ZMYM5: variants seen among roughly 807,000 people sequenced by gnomAD.
ZMYM5 encodes zinc finger MYM-type containing 5, also known as zinc finger MYM-type protein 5.
A neutral mutation model predicts 61.8 loss-of-function variants in ZMYM5; 41 were observed. That is an observed-to-expected ratio of 0.66 (90% CI 0.52 to 0.86). The LOEUF (loss-of-function observed/expected upper bound fraction) is 0.86. Among genes scored for constraint, ZMYM5 ranks in the 40% least tolerant of loss-of-function variants. The pLI is 0.00. For synonymous variants in ZMYM5, 257 were observed against 276.4 expected, an observed-to-expected ratio of 0.93 and a Z score of 0.70; for missense variants, 706 against 786.7, an observed-to-expected ratio of 0.90 and a Z score of 1.23.
Position 19,856,645 on chromosome 13 carries a change from G to GA in ZMYM5, c.-10-4456dup, listed in dbSNP as rs111627893. 4.4e-3 allele frequency among the ~76,000 whole-genome samples: 619 copies of GA among 139,300 alleles called. 3 individuals carry two copies. Among genetic ancestry groups the GA allele is most frequent in the African/African-American group, 0.011 (410 of 38,404 alleles). 91.4% of individuals were successfully genotyped at this position (139,300 alleles called of 152,430 possible). On this transcript the variant is annotated intron_variant, in intron 2 of 7. Transcript: ENST00000337963. ...ACAAGGGCGAAACTCTGTCTCAGAA[G>GA]AAAAAAAAAAAAAATTGATTCACGC...
chr13:19,840,652 GCATGAACCACCA>G (rs2138541329), intron 4 of ZMYM5, among the ~76,000 whole-genome samples: 1 of 152,086 alleles, frequency 6.6e-6, no homozygotes, highest in African/African-American at 2.4e-5. Flanking sequence ...AAAATTATAG[GCATGAACCACCA>G]CACCTGGCCA....
At chr13:19,840,274 T>C (rs934618122) in intron 4 of ZMYM5, among the ~76,000 whole-genome samples, 1 of 152,196 alleles carries the variant, frequency 6.6e-6, no homozygotes, top group Non-Finnish European at 1.5e-5. Context: ...CTCATGCCTG[T>C]AATTCCAGCA....
In ZMYM5 at chr13:19,825,092, C is replaced by G; in HGVS notation, c.1395G>C (p.Lys465Asn). The G allele has an allele frequency of 2.2e-6, 3 of 1,367,244 alleles. No individual in the cohort carries two copies. The highest frequency in any genetic ancestry group is 2.9e-6 in the Non-Finnish European group (3 of 1,021,712). 84.7% of individuals were successfully genotyped at this position (1,367,244 alleles called of 1,614,324 possible). Residue 465 changes from lysine (K) to asparagine (N), a missense_variant, in exon 8 of 8, where the codon AAG becomes AAC. By Grantham distance (94) the Lys-to-Asn change is moderately conservative (BLOSUM62 0). This residue lies in a region of ZMYM5 where 226 missense variants were observed against 325.0 expected (regional missense o/e 0.70). Transcript: ENST00000337963. ...CTACTGAAAGCTGTAGCTGTGAAGT[C>G]TTTTCCTTTTTTTCTGGGATTCCCT... is the stretch of plus-strand genomic sequence containing the variant. ...KIEGIPEKKE[K>N]TSQLQLSVEC... is the part of the protein sequence containing the mutation.
chr13:19,863,587 C>G lies in ZMYM5; in HGVS notation c.-216G>C, dbSNP rs1953861044. The G allele has an allele frequency of 1.3e-5, 2 of 152,830 alleles. No homozygotes were observed. The highest frequency in any genetic ancestry group is 2.1e-4 in the South Asian group (1 of 4,838). 9.5% of individuals were successfully genotyped at this position (152,830 alleles called of 1,614,324 possible). The stretch of plus-strand genomic sequence containing the variant: ...CTGCGCGGAACGAACAAGCCCACCC[C>G]GCTTCGGCGACAAGCACAACTCCGC... On this transcript the variant is annotated 5_prime_UTR_variant, in exon 1 of 8. Coordinates refer to ENST00000337963, the MANE Select transcript of ZMYM5 (RefSeq NM_001142684.2).
At chr13:19,837,634 AC>A in intron 6 of ZMYM5, 21 bp downstream of exon 6, 1 of 1,598,634 alleles carries the variant, frequency 6.3e-7, no homozygotes, top group South Asian at 1.1e-5. Context: ...CTAAACAACA[AC>A]TTAGGTATAA....
Position 19,850,129 on chromosome 13 carries a change from C to T in ZMYM5, c.586+1226G>A, listed in dbSNP as rs569180758. 8.5e-5 allele frequency among the ~76,000 whole-genome samples: 13 copies of T among 152,264 alleles called. 1 individual carries two copies. In the South Asian group the frequency reaches 2.5e-3, roughly 29 times the overall value. ...ACAATACCAACTCTCCCCCAAACCC[C>T]TCACAAGTCACATAAAAGCAACAAA... On this transcript the variant is annotated intron_variant, in intron 4 of 7. Coordinates refer to ENST00000337963, the MANE Select transcript of ZMYM5 (RefSeq NM_001142684.2).
intron 7 of ZMYM5, 88 bp downstream of exon 7, chr13:19,835,389 G>A: frequency 2.2e-6 from 2 of 905,056 alleles, no homozygotes; most frequent in African/African-American, 1.7e-5. Context: ...GGAATTAAAT[G>A]AGATTCTAAG....
chr13:19,846,052 G>A (rs765075757), intron 4 of ZMYM5, among the ~76,000 whole-genome samples: 4 of 152,152 alleles, frequency 2.6e-5, no homozygotes, highest in Non-Finnish European at 5.9e-5. Flanking sequence ...ATTCAGGTAT[G>A]ATCCAAGGAG....
At chr13:19,842,001 G>A (rs944327611) in intron 4 of ZMYM5, 1 of 152,364 alleles carries the variant, frequency 6.6e-6, no homozygotes, top group Non-Finnish European at 1.5e-5. Flanking sequence ...ATTTTTAGTA[G>A]AGATGGGGTT....
intron 2 of ZMYM5, among the ~76,000 whole-genome samples, chr13:19,859,259 G>A (rs903295626): frequency 2.0e-5 from 3 of 152,096 alleles, no homozygotes; most frequent in Non-Finnish European, 4.4e-5. Flanking sequence ...GCGGAACTAA[G>A]AATCAGCAAA....
intron 2 of ZMYM5, among the ~76,000 whole-genome samples, chr13:19,853,388 T>C (rs1003370576): frequency 2.0e-4 from 30 of 152,268 alleles, no homozygotes; most frequent in African/African-American, 7.2e-4. Flanking sequence ...CAAAAGTAAG[T>C]ATAATTGGAA....
intron 3 of ZMYM5, 59 bp downstream of exon 3, chr13:19,851,630 A>G: frequency 1.3e-6 from 2 of 1,542,664 alleles, no homozygotes; most frequent in South Asian, 2.6e-5. Context: ...AACATTAGTA[A>G]TAATGTATTT....
At chr13:19,838,497 T>C (rs1952748053) in intron 5 of ZMYM5, among the ~76,000 whole-genome samples, 1 of 152,182 alleles carries the variant, frequency 6.6e-6, no homozygotes, top group African/African-American at 2.4e-5. Context: ...TCCAAACCTA[T>C]GTTCCATTTT....
chr13:19,829,787 C>T (rs771168810), intron 7 of ZMYM5, among the ~76,000 whole-genome samples: 7 of 152,090 alleles, frequency 4.6e-5, no homozygotes, highest in South Asian at 2.1e-4. Context: ...GCTGATTCTT[C>T]GGTTATTTCC....
chr13:19,849,522 C>T (rs1953204711), intron 4 of ZMYM5, among the ~76,000 whole-genome samples: 1 of 152,060 alleles, frequency 6.6e-6, no homozygotes, highest in African/African-American at 2.4e-5. Context: ...TTTTTAAAAA[C>T]CAAAGATTGA....
Position 19,839,238 on chromosome 13 carries a change from C to T in ZMYM5, c.587-253G>A, listed in dbSNP as rs182031886. On this transcript the variant is annotated intron_variant, in intron 4 of 7. Transcript: ENST00000337963. ...TGGAATTGTGTAATGTGGTAGCCAT[C>T]GGCTCTTAAGTCAGACTCCAGGTTC... is the stretch of plus-strand genomic sequence containing the variant. 4.4e-4 allele frequency among the ~76,000 whole-genome samples: 66 copies of T among 149,760 alleles called. 1 individual carries two copies. The highest frequency in any genetic ancestry group is 9.0e-4 in the African/African-American group (36 of 40,080).
Position 19,824,673 on chromosome 13 carries a change from T to A in ZMYM5, c.1814A>T (p.Asn605Ile). ...TTGCCAATCTTTGCACCCATTTTCA[T>A]TTTTCAGTTGATTTTTTCCTTCCCC... ...LFGEGKNQLK[N>I]ENGCKDWQHL... Residue 605 changes from asparagine (N) to isoleucine (I), a missense_variant, in exon 8 of 8, where the codon AAT becomes ATT. Physicochemically the swap from Asn to Ile is moderately radical, Grantham distance 149 (BLOSUM62 -3). Around this residue, in one of 2 missense-constraint regions of ZMYM5, gnomAD observed 226 missense variants for 325.0 expected, o/e 0.70. Transcript: ENST00000337963. 7.5e-7 allele frequency: 1 copy of A among 1,335,282 alleles called. No homozygotes were observed. The highest frequency in any genetic ancestry group is 9.9e-7 in the Non-Finnish European group (1 of 1,007,122). 82.7% of individuals were successfully genotyped at this position (1,335,282 alleles called of 1,614,324 possible).
intron 4 of ZMYM5, 35 bp from the exon 5 acceptor site, chr13:19,839,020 A>C: frequency 1.9e-6 from 3 of 1,589,262 alleles, no homozygotes; most frequent in Non-Finnish European, 2.6e-6. Flanking sequence ...TCATGGAACA[A>C]ATCAAAATGT....
intron 2 of ZMYM5, among the ~76,000 whole-genome samples, chr13:19,862,149 C>T (rs1462013300): frequency 6.6e-6 from 1 of 152,196 alleles, no homozygotes; most frequent in East Asian, 1.9e-4. Context: ...ATTCAAGGCA[C>T]TTAAAAGAGA....
Sources: allele counts gnomAD v4.1 joint callset (sites outside exome capture counted in the v4.1 genomes callset), GRCh38; gene constraint gnomAD v4.1.1; regional missense constraint gnomAD v4.1.1; transcripts MANE v1.5; gene names NCBI Gene and HGNC (gene_info 2026-07-23, HGNC 2026-07-21).